ANKS1B: variants seen among roughly 807,000 people sequenced by gnomAD.
The protein encoded by ANKS1B is ankyrin repeat and sterile alpha motif domain-containing protein 1B.
Under a neutral mutation model 148.3 loss-of-function variants are expected in ANKS1B, and 36 were observed. That is an observed-to-expected ratio of 0.24 (90% confidence interval 0.19 to 0.32). The LOEUF (loss-of-function observed/expected upper bound fraction) is 0.32. ANKS1B is among the 10% of genes least tolerant of loss of function. ANKS1B has a pLI of 1.00. For synonymous variants in ANKS1B, 542 were observed against 560.8 expected, an observed-to-expected ratio of 0.97 and a Z score of 0.47; for missense variants, 1,157 against 1,542.6, an observed-to-expected ratio of 0.75 and a Z score of 4.19.
intron 9 of ANKS1B, among the ~76,000 whole-genome samples, chr12:99,653,006 A>G (rs1057005057): frequency 3.9e-5 from 6 of 152,188 alleles, no homozygotes; most frequent in African/African-American, 1.4e-4. Flanking sequence ...ACACATACAA[A>G]TTAAGACAAA....
intron 12 of ANKS1B, among the ~76,000 whole-genome samples, chr12:99,378,688 A>G (rs1211237141): frequency 6.6e-6 from 1 of 151,824 alleles, no homozygotes; most frequent in Non-Finnish European, 1.5e-5. Context: ...AAGAAAAGAA[A>G]AAGAGACAGT....
rs2094492264 is a variant in ANKS1B, at chr12:99,404,716, T to G, written c.1576-4905A>C. ...TGGCCTTATAGAGGAGGGAGAGAGG[T>G]GGGTGGAATAAAAAGTTTACTCAAA... On this transcript the variant is annotated intron_variant, in intron 11 of 26. Transcript: ENST00000683438. 1.4e-5 allele frequency among the ~76,000 whole-genome samples: 2 copies of G among 142,718 alleles called. 1 individual carries two copies. The highest frequency in any genetic ancestry group is 3.1e-5 in the Non-Finnish European group (2 of 64,848). 93.6% of individuals were successfully genotyped at this position (142,718 alleles called of 152,430 possible).
intron 17 of ANKS1B, among the ~76,000 whole-genome samples, chr12:98,983,605 A>G (rs1459468886): frequency 6.6e-6 from 1 of 152,214 alleles, no homozygotes; most frequent in Non-Finnish European, 1.5e-5. Flanking sequence ...GACTGGCCCC[A>G]TGATTCACTA....
chr12:99,491,763 A>G (rs1485100926), intron 10 of ANKS1B, among the ~76,000 whole-genome samples: 1 of 152,198 alleles, frequency 6.6e-6, no homozygotes, highest in African/African-American at 2.4e-5. Context: ...AATAAACTCA[A>G]AATCATGCAA....
intron 14 of ANKS1B, among the ~76,000 whole-genome samples, chr12:99,182,385 T>C (rs1283154037): frequency 2.0e-5 from 3 of 152,212 alleles, no homozygotes; most frequent in Non-Finnish European, 4.4e-5. Flanking sequence ...TTTTAATTTG[T>C]AGCTCCCACA....
In ANKS1B at chr12:99,867,090, TA is replaced by T. The variant is rs2090857812; in HGVS notation, c.135-41702del. ...AAAGTTTACAGTTATCTTAAATTTT[TA>T]TTTAAATCTCCTTCCTATTCACCTG... On this transcript the variant is annotated intron_variant, in intron 1 of 26. Coordinates refer to ENST00000683438, the MANE Select transcript of ANKS1B (RefSeq NM_001352186.2). 2.0e-5 allele frequency among the ~76,000 whole-genome samples: 3 copies of T among 152,348 alleles called. No homozygotes were observed. In the South Asian group the frequency reaches 6.2e-4, roughly 32 times the overall value.
At chr12:99,012,459 T>G (rs760222539) in intron 17 of ANKS1B, among the ~76,000 whole-genome samples, 5 of 152,210 alleles carry the variant, frequency 3.3e-5, no homozygotes, top group Non-Finnish European at 5.9e-5. Context: ...TAGACATTTA[T>G]TTTACTACCA....
At chr12:99,099,162 G>A (rs2057245100) in intron 15 of ANKS1B, among the ~76,000 whole-genome samples, 1 of 152,044 alleles carries the variant, frequency 6.6e-6, no homozygotes, top group Admixed American at 6.5e-5. Flanking sequence ...GCTTGGGTGG[G>A]TCACTCAAAC....
At chr12:99,865,329 A>T (rs2090584917) in intron 1 of ANKS1B, among the ~76,000 whole-genome samples, 1 of 152,174 alleles carries the variant, frequency 6.6e-6, no homozygotes, top group Non-Finnish European at 1.5e-5. Context: ...ATATTTTAGC[A>T]TCCTTTATAG....
chr12:99,657,924 C>T (rs991806175), intron 8 of ANKS1B, among the ~76,000 whole-genome samples: 3 of 120,186 alleles, frequency 2.5e-5, no homozygotes, highest in Non-Finnish European at 3.3e-5. Context: ...AAAAAAAAAG[C>T]TTATCTCTCT....
At chr12:99,431,057 C>T (rs1262434036) in intron 11 of ANKS1B, among the ~76,000 whole-genome samples, 1 of 152,166 alleles carries the variant, frequency 6.6e-6, no homozygotes, top group Non-Finnish European at 1.5e-5. Context: ...TTAATACTCA[C>T]TTATTGAATT....
chr12:99,062,923 T>C (rs144185497), intron 16 of ANKS1B, among the ~76,000 whole-genome samples: 4 of 152,284 alleles, frequency 2.6e-5, no homozygotes, highest in African/African-American at 7.2e-5. Flanking sequence ...GAATACTCTG[T>C]GTTAAAACAG....
intron 8 of ANKS1B, among the ~76,000 whole-genome samples, chr12:99,763,514 C>A (rs779107262): frequency 1.3e-5 from 2 of 151,830 alleles, no homozygotes; most frequent in African/African-American, 4.8e-5. Context: ...GGGTGTAGCA[C>A]GGGAGGAGAG....
intron 8 of ANKS1B, among the ~76,000 whole-genome samples, chr12:99,737,767 C>T (rs1050545282): frequency 2.6e-5 from 4 of 152,012 alleles, no homozygotes; most frequent in Non-Finnish European, 4.4e-5. Flanking sequence ...CAGTTTCTTT[C>T]TCAAGTTCTT....
intron 17 of ANKS1B, among the ~76,000 whole-genome samples, chr12:98,944,302 C>CAAAAAAAAAAAAAAA (rs11313441): frequency 3.4e-5 from 3 of 88,046 alleles, no homozygotes; most frequent in South Asian, 4.7e-4. Context: ...CTCCACCTCA[C>CAAAAAAAAAAAAAAA]AAAAAAAAAA....
intron 12 of ANKS1B, among the ~76,000 whole-genome samples, chr12:99,255,227 A>G (rs2075118252): frequency 6.6e-6 from 1 of 152,066 alleles, no homozygotes; most frequent in African/African-American, 2.4e-5. Flanking sequence ...TAAAGTTTTA[A>G]TTATCTAGAA....
At chr12:99,484,234 T>C (rs867651438) in intron 10 of ANKS1B, among the ~76,000 whole-genome samples, 5 of 152,192 alleles carry the variant, frequency 3.3e-5, no homozygotes, top group Middle Eastern at 3.4e-3. Flanking sequence ...TAAAGTTCCA[T>C]CTTAATTTCA....
At chr12:99,782,512 T>C (rs1356504882) in intron 4 of ANKS1B, among the ~76,000 whole-genome samples, 2 of 152,168 alleles carry the variant, frequency 1.3e-5, no homozygotes. Context: ...TGAGCCAAGA[T>C]CATGCCACTG....
intron 1 of ANKS1B, among the ~76,000 whole-genome samples, chr12:99,872,760 T>C (rs1316344539): frequency 2.6e-5 from 4 of 152,180 alleles, no homozygotes; most frequent in Admixed American, 6.6e-5. Flanking sequence ...AAATATTCAG[T>C]AAATGTTGCC....
Sources: gnomAD v4.1 joint callset for allele counts (sites outside exome capture counted in the v4.1 genomes callset) on GRCh38, gnomAD v4.1.1 for gene constraint, MANE v1.5 for transcripts, NCBI Gene and HGNC (gene_info 2026-07-23, HGNC 2026-07-21) for gene names.